Variants in WWOX observed in about 807,000 individuals in gnomAD.
The protein encoded by WWOX is WW domain-containing oxidoreductase.
WWOX carries 69 observed loss-of-function variants against 46.2 expected under a neutral mutation model. The ratio of observed to expected loss-of-function variants is 1.49; its 90% CI spans 1.23 to 1.82. The LOEUF (loss-of-function observed/expected upper bound fraction) is 1.82. Ranked by LOEUF, WWOX falls within the 40% of genes most tolerant of loss-of-function variation. WWOX has a pLI of 0.00. For synonymous variants in WWOX, 359 were observed against 202.6 expected, an observed-to-expected ratio of 1.77 and a Z score of -6.56; for missense variants, 919 against 542.6, an observed-to-expected ratio of 1.69 and a Z score of -6.89.
intron 8 of WWOX, among the ~76,000 whole-genome samples, chr16:78,581,447 T>C (rs2045050477): frequency 6.6e-6 from 1 of 152,214 alleles, no homozygotes; most frequent in Admixed American, 6.5e-5. Flanking sequence ...TAATTGAGTT[T>C]TAAAGCACTT....
At chr16:78,637,812 A>C (rs1327211653) in intron 8 of WWOX, among the ~76,000 whole-genome samples, 2 of 152,128 alleles carry the variant, frequency 1.3e-5, no homozygotes, top group Non-Finnish European at 2.9e-5. Flanking sequence ...ACATTGTCCC[A>C]GGCCAGGGCC....
At chr16:78,373,247 A>G (rs774876053) in intron 5 of WWOX, among the ~76,000 whole-genome samples, 1 of 152,214 alleles carries the variant, frequency 6.6e-6, no homozygotes, top group African/African-American at 2.4e-5. Flanking sequence ...CAATTTTACC[A>G]AAAGTCTTTC....
intron 8 of WWOX, among the ~76,000 whole-genome samples, chr16:78,468,959 G>A (rs900839089): frequency 3.9e-4 from 59 of 152,246 alleles, no homozygotes; most frequent in Non-Finnish European, 3.2e-4. Context: ...TTGGTATGAC[G>A]ATGTCTTACA....
chr16:78,334,237 A>G (rs983597494), intron 5 of WWOX, among the ~76,000 whole-genome samples: 1 of 152,236 alleles, frequency 6.6e-6, no homozygotes, highest in African/African-American at 2.4e-5. Flanking sequence ...TGCGGCTCGT[A>G]CAAAATTCAC....
intron 5 of WWOX, among the ~76,000 whole-genome samples, chr16:78,290,516 G>T (rs1263098445): frequency 6.6e-6 from 1 of 152,182 alleles, no homozygotes; most frequent in Non-Finnish European, 1.5e-5. Flanking sequence ...AAATCTGTCA[G>T]AAGGGTCTGC....
chr16:78,365,819 C>T (rs1314902520), intron 5 of WWOX, among the ~76,000 whole-genome samples: 1 of 152,150 alleles, frequency 6.6e-6, no homozygotes, highest in African/African-American at 2.4e-5. Flanking sequence ...TCTGTGTCTT[C>T]ATTTGCAACT....
chr16:78,968,633 A>G (rs576306120), intron 8 of WWOX, among the ~76,000 whole-genome samples: 28 of 152,314 alleles, frequency 1.8e-4, no homozygotes, highest in African/African-American at 6.5e-4. Flanking sequence ...GATGGTGACA[A>G]AAAGCACAAG....
At chr16:78,433,491 C>G (rs2083268668) in intron 8 of WWOX, among the ~76,000 whole-genome samples, 1 of 152,180 alleles carries the variant, frequency 6.6e-6, no homozygotes, top group Admixed American at 6.5e-5. Flanking sequence ...AACCAAAGGA[C>G]TTCAAAAATG....
At chr16:78,337,437 C>A (rs952573239) in intron 5 of WWOX, among the ~76,000 whole-genome samples, 2 of 152,122 alleles carry the variant, frequency 1.3e-5, no homozygotes, top group Admixed American at 6.5e-5. Context: ...TAACATCTTG[C>A]ATTAGTGTGG....
chr16:78,916,872 A>G (rs866146935), intron 8 of WWOX, among the ~76,000 whole-genome samples: 30 of 152,234 alleles, frequency 2.0e-4, no homozygotes, highest in Admixed American at 6.5e-5. Flanking sequence ...ATGTTCATTC[A>G]AACAGGCTTA....
At chr16:79,001,417 C>T (rs952359946) in intron 8 of WWOX, among the ~76,000 whole-genome samples, 1 of 152,116 alleles carries the variant, frequency 6.6e-6, no homozygotes, top group African/African-American at 2.4e-5. Context: ...GCATGTAACT[C>T]GAGTGTTCTG....
chr16:78,919,555 G>A (rs897094243), intron 8 of WWOX, among the ~76,000 whole-genome samples: 3 of 118,074 alleles, frequency 2.5e-5, no homozygotes, highest in Non-Finnish European at 3.3e-5. Flanking sequence ...GTCTTGCTCT[G>A]TCTGCCAGAT....
At chr16:78,844,284 G>A (rs971409352) in intron 8 of WWOX, among the ~76,000 whole-genome samples, 12 of 152,122 alleles carry the variant, frequency 7.9e-5, no homozygotes, top group Non-Finnish European at 1.3e-4. Flanking sequence ...CTTACTGACA[G>A]CCTAAGTGAT....
intron 5 of WWOX, among the ~76,000 whole-genome samples, chr16:78,240,978 T>C (rs1284892438): frequency 1.3e-5 from 2 of 152,116 alleles, no homozygotes; most frequent in African/African-American, 4.8e-5. Flanking sequence ...AATTTGGGGA[T>C]CTCTCAACGT....
intron 8 of WWOX, among the ~76,000 whole-genome samples, chr16:78,623,162 C>G (rs1486572790): frequency 6.6e-6 from 1 of 151,504 alleles, no homozygotes; most frequent in East Asian, 1.9e-4. Flanking sequence ...GAACCCAGCT[C>G]AGCCATGCCC....
At chr16:78,523,958 A>G (rs2043403122) in intron 8 of WWOX, among the ~76,000 whole-genome samples, 1 of 152,218 alleles carries the variant, frequency 6.6e-6, no homozygotes, top group African/African-American at 2.4e-5. Context: ...TCTTTCCCTC[A>G]GTATTTTATT....
At chr16:78,996,442 A>C (rs1435137627) in intron 8 of WWOX, 5 of 585,226 alleles carry the variant, frequency 8.5e-6, no homozygotes, top group African/African-American at 2.1e-5. Context: ...ATGGAGGCAT[A>C]TTCAAAGTGC....
intron 8 of WWOX, among the ~76,000 whole-genome samples, chr16:78,659,699 T>G (rs988332279): frequency 3.9e-5 from 6 of 152,222 alleles, no homozygotes; most frequent in African/African-American, 1.4e-4. Flanking sequence ...CCTTCCCATT[T>G]TACCAGTGCC....
At chr16:78,868,317 C>A (rs1049079470) in intron 8 of WWOX, among the ~76,000 whole-genome samples, 1 of 151,832 alleles carries the variant, frequency 6.6e-6, no homozygotes. Flanking sequence ...TATGAAATTT[C>A]TAGAAAAGAT....
Sources: gnomAD v4.1 joint callset for allele counts (sites outside exome capture counted in the v4.1 genomes callset) on GRCh38, gnomAD v4.1.1 for gene constraint, MANE v1.5 for transcripts, NCBI Gene and HGNC (gene_info 2026-07-23, HGNC 2026-07-21) for gene names.